The following EYS variants were observed in gnomAD, a reference collection of about 807,000 sequenced individuals.
The protein encoded by EYS is EGF-like photoreceptor maintenance factor, also known as protein eyes shut homolog.
Under a neutral mutation model 282.1 loss-of-function variants are expected in EYS, and 250 were observed. The ratio of observed to expected loss-of-function variants is 0.89; its 90% CI spans 0.80 to 0.98. The LOEUF (loss-of-function observed/expected upper bound fraction) is 0.98, where lower values mean the gene tolerates loss of function less well. EYS is among the 50% of genes least tolerant of loss of function. The pLI is 0.00. For synonymous variants in EYS, 1,355 were observed against 1,282.9 expected (o/e 1.06, Z -1.20); for missense variants, 4,016 against 3,709.0 (o/e 1.08, Z -2.15).
chr6:64,916,101 T>C (rs183764769), intron 15 of EYS, among the ~76,000 whole-genome samples: 5 of 152,304 alleles, frequency 3.3e-5, no homozygotes, highest in East Asian at 3.9e-4. Flanking sequence ...TAATATACTA[T>C]GGCAATTTTA....
At chr6:64,479,357 T>C (rs555347444) in intron 26 of EYS, among the ~76,000 whole-genome samples, 1 of 152,076 alleles carries the variant, frequency 6.6e-6, no homozygotes, top group South Asian at 2.1e-4. Flanking sequence ...GCCTGCTCCA[T>C]AAAATTCAAA....
At chr6:65,146,147 A>G (rs959334286) in intron 12 of EYS, among the ~76,000 whole-genome samples, 3 of 150,978 alleles carry the variant, frequency 2.0e-5, no homozygotes, top group African/African-American at 7.4e-5. Flanking sequence ...AGTTAAGCAT[A>G]TAACATAAAG....
chr6:65,180,683 C>T (rs1457156938), intron 12 of EYS, among the ~76,000 whole-genome samples: 2 of 152,102 alleles, frequency 1.3e-5, no homozygotes, highest in Admixed American at 1.3e-4. Flanking sequence ...CAATGACTTT[C>T]TTCACAGAAT....
chr6:65,010,263 C>T (rs1016358741), intron 13 of EYS, among the ~76,000 whole-genome samples: 3 of 152,204 alleles, frequency 2.0e-5, no homozygotes, highest in East Asian at 1.9e-4. Context: ...GCAGCAGTAG[C>T]AGGCTTAGTA....
chr6:64,885,181 T>A (rs949384911), intron 19 of EYS, among the ~76,000 whole-genome samples: 6 of 151,724 alleles, frequency 4.0e-5, no homozygotes, highest in African/African-American at 1.4e-4. Context: ...CTATTAAGGA[T>A]AACAATTAAT....
chr6:65,059,610 A>T (rs762692597), intron 12 of EYS, among the ~76,000 whole-genome samples: 1 of 152,002 alleles, frequency 6.6e-6, no homozygotes, highest in Non-Finnish European at 1.5e-5. Flanking sequence ...AGATATTTAT[A>T]CCCCAAAGAG....
chr6:63,903,414 G>A (rs1006284498), intron 35 of EYS, among the ~76,000 whole-genome samples: 1 of 152,146 alleles, frequency 6.6e-6, no homozygotes, highest in Non-Finnish European at 1.5e-5. Context: ...TATGGAAAGG[G>A]AAATTTGTAA....
At chr6:65,667,636 C>G (rs940700855) in intron 1 of EYS, among the ~76,000 whole-genome samples, 1 of 151,856 alleles carries the variant, frequency 6.6e-6, no homozygotes, top group Non-Finnish European at 1.5e-5. Context: ...ACTCTTGTAG[C>G]ATATTAACAT....
At chr6:63,745,079 A>G in intron 41 of EYS, 1 of 396,418 alleles carries the variant, frequency 2.5e-6, no homozygotes, top group South Asian at 1.9e-5. Context: ...AATAGAAGCT[A>G]AATAGATAAG....
chr6:63,953,664 G>C (rs1349858435), intron 35 of EYS, among the ~76,000 whole-genome samples: 1 of 152,004 alleles, frequency 6.6e-6, no homozygotes, highest in African/African-American at 2.4e-5. Context: ...AGAAAACCTA[G>C]CTGACCCCAT....
intron 22 of EYS, among the ~76,000 whole-genome samples, chr6:64,753,913 C>G (rs1772845652): frequency 6.6e-6 from 1 of 152,082 alleles, no homozygotes; most frequent in South Asian, 2.1e-4. Flanking sequence ...ATATTTTTAA[C>G]CTCAGTGGAA....
At chr6:65,444,550 A>C (rs1052071090) in intron 5 of EYS, among the ~76,000 whole-genome samples, 1 of 152,016 alleles carries the variant, frequency 6.6e-6, no homozygotes, top group Non-Finnish European at 1.5e-5. Flanking sequence ...GCACCTATAA[A>C]CTATGTGACT....
At chr6:65,516,168 T>C (rs1767126957) in intron 2 of EYS, among the ~76,000 whole-genome samples, 2 of 152,026 alleles carry the variant, frequency 1.3e-5, no homozygotes, top group African/African-American at 4.8e-5. Flanking sequence ...TTAAAATAAT[T>C]CTGGCACATA....
intron 31 of EYS, among the ~76,000 whole-genome samples, chr6:64,130,253 G>A (rs1773926727): frequency 6.6e-6 from 1 of 152,178 alleles, no homozygotes; most frequent in Non-Finnish European, 1.5e-5. Context: ...ACGATCGACT[G>A]GATTAAGAAA....
intron 14 of EYS, among the ~76,000 whole-genome samples, chr6:64,976,886 A>G (rs1055100987): frequency 1.3e-5 from 2 of 151,602 alleles, no homozygotes; most frequent in African/African-American, 4.8e-5. Context: ...ACTTATCAGT[A>G]CTATTATTTT....
At chr6:64,275,001 A>G (rs1281932028) in intron 30 of EYS, among the ~76,000 whole-genome samples, 1 of 152,210 alleles carries the variant, frequency 6.6e-6, no homozygotes, top group Non-Finnish European at 1.5e-5. Context: ...CTAGCCTGCT[A>G]TTGATCTTCC....
Position 65,135,791 on chromosome 6 carries a change from T to G in EYS, c.2024-78064A>C, listed in dbSNP as rs2150205446. Reference sequence around the variant, plus strand: ...AGTGACCATTCATTGTGATTTGATTTGATTATACATAGCTCTCTGTGATGC... The same window carrying G: ...AGTGACCATTCATTGTGATTTGATTGGATTATACATAGCTCTCTGTGATGC... On this transcript the variant is annotated intron_variant, in intron 12 of 42. Coordinates refer to ENST00000503581, the MANE Select transcript of EYS (RefSeq NM_001142800.2). Among the ~76,000 whole-genome samples, 3 of 152,150 alleles carry G rather than the reference T, an allele frequency of 2.0e-5. No individual in the cohort carries two copies. In the South Asian group the frequency reaches 6.2e-4, roughly 32 times the overall value.
chr6:64,226,667 G>T, intron 31 of EYS, among the ~76,000 whole-genome samples: 1 of 151,984 alleles, frequency 6.6e-6, no homozygotes, highest in African/African-American at 2.4e-5. Context: ...TAGGCAACAA[G>T]GTTTAGCTAA....
chr6:65,074,874 G>A (rs1774000672), intron 12 of EYS, among the ~76,000 whole-genome samples: 1 of 151,980 alleles, frequency 6.6e-6, no homozygotes, highest in Non-Finnish European at 1.5e-5. Flanking sequence ...GGACCTCACT[G>A]CATGCAAAAA....
Sources: allele counts gnomAD v4.1 joint callset (sites outside exome capture counted in the v4.1 genomes callset), GRCh38; gene constraint gnomAD v4.1.1; transcripts MANE v1.5; gene names NCBI Gene and HGNC (gene_info 2026-07-23, HGNC 2026-07-21).